The following EYS variants were observed in gnomAD, a reference collection of about 807,000 sequenced individuals.
EYS encodes the protein protein eyes shut homolog.
EYS carries 250 observed loss-of-function variants against 282.1 expected under a neutral mutation model. The observed-to-expected ratio is 0.89, with a 90% confidence interval of 0.80 to 0.98. The LOEUF (loss-of-function observed/expected upper bound fraction) is 0.98, where lower values mean the gene tolerates loss of function less well. Among genes scored for constraint, EYS ranks in the 50% least tolerant of loss-of-function variants. The pLI is 0.00. For missense variants in EYS, 4,016 were observed against 3,709.0 expected, an observed-to-expected ratio of 1.08 and a Z score of -2.15; for synonymous variants, 1,355 against 1,282.9, an observed-to-expected ratio of 1.06 and a Z score of -1.20.
intron 31 of EYS, among the ~76,000 whole-genome samples, chr6:64,181,471 TG>T (rs1764785516): frequency 6.6e-6 from 1 of 152,138 alleles, no homozygotes; most frequent in South Asian, 2.1e-4. Context: ...TTTCTATTTT[TG>T]GTTTTCAAAA....
chr6:65,286,574 C>T (rs1768373706), intron 12 of EYS, among the ~76,000 whole-genome samples: 1 of 151,596 alleles, frequency 6.6e-6, no homozygotes, highest in Non-Finnish European at 1.5e-5. Context: ...GTTGATAAAA[C>T]TATATTATCC....
In EYS at chr6:64,207,017, C is replaced by T. The variant is rs1423928632; in HGVS notation, c.6424+23575G>A. On this transcript the variant is annotated intron_variant, in intron 31 of 42. Coordinates refer to ENST00000503581, the MANE Select transcript of EYS (RefSeq NM_001142800.2). ...AGGCCCCAGTGCGTGTTGTTCTCCTCTATGTGTCCATGTGTCCTCATCATT... is the reference window on the plus strand; with the variant it reads ...AGGCCCCAGTGCGTGTTGTTCTCCTTTATGTGTCCATGTGTCCTCATCATT... Among the ~76,000 whole-genome samples the T allele has an allele frequency of 3.9e-5, 6 of 152,178 alleles. No homozygotes were observed. In the East Asian group the frequency reaches 9.7e-4, roughly 25 times the overall value.
chr6:64,801,687 G>A (rs1764235125), intron 22 of EYS, among the ~76,000 whole-genome samples: 2 of 151,992 alleles, frequency 1.3e-5, no homozygotes, highest in Admixed American at 1.3e-4. Context: ...TAATAGATGT[G>A]TCAGAATTAT....
chr6:63,822,442 A>G (rs1009826461), intron 36 of EYS: 1 of 152,168 alleles, frequency 6.6e-6, no homozygotes, highest in Non-Finnish European at 1.5e-5. Context: ...ATGCAGATAG[A>G]TTTACCTATC....
chr6:64,319,331 T>C (rs1309446976), intron 29 of EYS, among the ~76,000 whole-genome samples: 1 of 151,854 alleles, frequency 6.6e-6, no homozygotes, highest in East Asian at 1.9e-4. Flanking sequence ...AATAATTAGG[T>C]AAAAGTTTTA....
At chr6:65,251,222 A>G (rs1767314682) in intron 12 of EYS, among the ~76,000 whole-genome samples, 1 of 151,676 alleles carries the variant, frequency 6.6e-6, no homozygotes, top group Non-Finnish European at 1.5e-5. Flanking sequence ...CAAAAAAATT[A>G]AAAATGAATG....
intron 19 of EYS, among the ~76,000 whole-genome samples, chr6:64,854,649 G>A (rs35787711): frequency 6.6e-6 from 1 of 151,500 alleles, no homozygotes; most frequent in African/African-American, 2.4e-5. Flanking sequence ...GTTAAATGAC[G>A]AGTTACTGGG....
chr6:65,471,180 A>G (rs1200424449), intron 5 of EYS, among the ~76,000 whole-genome samples: 2 of 146,658 alleles, frequency 1.4e-5, no homozygotes, highest in East Asian at 4.2e-4. Context: ...ATGGCATAGA[A>G]TGTTTACAAA....
chr6:63,907,451 T>C (rs1223280068), intron 35 of EYS, among the ~76,000 whole-genome samples: 1 of 152,194 alleles, frequency 6.6e-6, no homozygotes, highest in African/African-American at 2.4e-5. Flanking sequence ...AATTTTTGTC[T>C]CCTTTTCCTC....
chr6:64,319,141 T>C (rs1232240520), intron 29 of EYS, among the ~76,000 whole-genome samples: 3 of 151,984 alleles, frequency 2.0e-5, no homozygotes, highest in Non-Finnish European at 4.4e-5. Context: ...CTGTAACTGA[T>C]TTAGCCCAAT....
At chr6:65,622,444 T>G (rs1325616865) in intron 2 of EYS, among the ~76,000 whole-genome samples, 1 of 152,016 alleles carries the variant, frequency 6.6e-6, no homozygotes, top group Non-Finnish European at 1.5e-5. Context: ...CCATTATTAT[T>G]GTAATATTAT....
At position 64,750,197 on chromosome 6, in the gene EYS, G is replaced by A. The variant is rs371173720; in HGVS notation, c.3443+63181C>T. On this transcript the variant is annotated intron_variant, in intron 22 of 42. Transcript: ENST00000503581. Reference sequence around the variant, plus strand: ...ATATTTTGGGAATATTTTGCTGAAAGCTAAAATTATAATAAAATAGAGAGC... The same window carrying A: ...ATATTTTGGGAATATTTTGCTGAAAACTAAAATTATAATAAAATAGAGAGC... 6.6e-5 allele frequency among the ~76,000 whole-genome samples: 10 copies of A among 152,002 alleles called. No homozygotes were observed. In the East Asian group the frequency reaches 1.5e-3, roughly 24 times the overall value.
At chr6:64,494,965 C>T (rs1001317822) in intron 26 of EYS, among the ~76,000 whole-genome samples, 2 of 151,486 alleles carry the variant, frequency 1.3e-5, no homozygotes, top group Non-Finnish European at 3.0e-5. Flanking sequence ...TAAATAGGTA[C>T]CACTCTTGAT....
chr6:64,793,461 G>T (rs1424793215), intron 22 of EYS, among the ~76,000 whole-genome samples: 1 of 152,014 alleles, frequency 6.6e-6, no homozygotes, highest in Non-Finnish European at 1.5e-5. Flanking sequence ...AAAACATTGA[G>T]TTCCGTTAGC....
At chr6:64,943,734 CG>C (rs1554220248) in intron 15 of EYS, among the ~76,000 whole-genome samples, 1 of 152,018 alleles carries the variant, frequency 6.6e-6, no homozygotes, top group Non-Finnish European at 1.5e-5. Context: ...AAAAATACCC[CG>C]TGTTCATGGC....
At chr6:65,044,448 C>T (rs1455372428) in intron 13 of EYS, among the ~76,000 whole-genome samples, 1 of 151,658 alleles carries the variant, frequency 6.6e-6, no homozygotes, top group Admixed American at 6.6e-5. Context: ...ACAAAATATC[C>T]TTGCCCAATC....
At chr6:65,618,625 G>T (rs1766323130) in intron 2 of EYS, among the ~76,000 whole-genome samples, 1 of 152,162 alleles carries the variant, frequency 6.6e-6, no homozygotes, top group African/African-American at 2.4e-5. Flanking sequence ...TGAAGTCCTT[G>T]CCCATGCCTA....
intron 40 of EYS, among the ~76,000 whole-genome samples, chr6:63,768,068 T>C (rs2149659233): frequency 6.6e-6 from 1 of 151,478 alleles, no homozygotes; most frequent in Middle Eastern, 3.4e-3. Context: ...ATATATGTTA[T>C]GAAAATTAAC....
intron 1 of EYS, among the ~76,000 whole-genome samples, chr6:65,687,026 G>A (rs140012322): frequency 6.3e-4 from 95 of 151,944 alleles, no homozygotes; most frequent in African/African-American, 2.1e-3. Flanking sequence ...GAAATAAAAG[G>A]CATAATATAT....
Sources: gnomAD v4.1 joint callset for allele counts (sites outside exome capture counted in the v4.1 genomes callset) on GRCh38, gnomAD v4.1.1 for gene constraint, MANE v1.5 for transcripts, NCBI Gene and HGNC (gene_info 2026-07-23, HGNC 2026-07-21) for gene names.